The following LRRC38 variants were observed in gnomAD, a reference collection of about 807,000 sequenced individuals.
LRRC38 encodes the protein leucine rich repeat containing 38.
Under a neutral mutation model 16.4 loss-of-function variants are expected in LRRC38, and 5 were observed. The observed-to-expected ratio is 0.31, with a 90% CI of 0.16 to 0.64. The LOEUF (loss-of-function observed/expected upper bound fraction) is 0.64, where lower values mean the gene tolerates loss of function less well. LRRC38 is among the 30% of genes least tolerant of loss of function. The probability of loss-of-function intolerance (pLI) is 0.80; values close to 1 mark genes in which losing one functional copy is unlikely to be tolerated. For missense variants in LRRC38, 341 were observed against 401.8 expected (o/e 0.85, Z 1.29); for synonymous variants, 191 against 190.2 (o/e 1.00, Z -0.04).
intron 1 of LRRC38, among the ~76,000 whole-genome samples, chr1:13,507,109 T>C (rs1466599698): frequency 6.6e-6 from 1 of 152,222 alleles, no homozygotes; most frequent in Admixed American, 6.5e-5. Flanking sequence ...CAGAGTAGGA[T>C]GACCCTGTGG....
chr1:13,484,189 G>A (rs971250555), intron 1 of LRRC38, among the ~76,000 whole-genome samples: 2 of 152,058 alleles, frequency 1.3e-5, no homozygotes, highest in Non-Finnish European at 2.9e-5. Context: ...TGCCTGGCTC[G>A]CTCCTTCCTT....
At chr1:13,484,601 C>T (rs564883229) in intron 1 of LRRC38, among the ~76,000 whole-genome samples, 16 of 152,302 alleles carry the variant, frequency 1.1e-4, no homozygotes, top group African/African-American at 2.9e-4. Context: ...TTCTTTCCCC[C>T]AAATTCACCA....
chr1:13,506,518 C>T (rs1052111962), intron 1 of LRRC38, among the ~76,000 whole-genome samples: 2 of 152,104 alleles, frequency 1.3e-5, no homozygotes, highest in Non-Finnish European at 2.9e-5. Context: ...AGTGCAGTGG[C>T]ATGATCTCGG....
intron 1 of LRRC38, among the ~76,000 whole-genome samples, chr1:13,481,175 G>A (rs1289617474): frequency 1.3e-5 from 2 of 151,996 alleles, no homozygotes; most frequent in East Asian, 1.9e-4. Context: ...GCAGTGGCGC[G>A]ATCTCGACTC....
chr1:13,477,966 C>G (rs538577283), intron 1 of LRRC38, among the ~76,000 whole-genome samples: 32 of 152,268 alleles, frequency 2.1e-4, no homozygotes, highest in Non-Finnish European at 3.8e-4. Context: ...GTTAAGTTCT[C>G]TGAATAAATA....
intron 1 of LRRC38, among the ~76,000 whole-genome samples, chr1:13,478,277 G>C (rs934211184): frequency 6.6e-6 from 1 of 152,236 alleles, no homozygotes; most frequent in African/African-American, 2.4e-5. Context: ...ACTATGTGCA[G>C]ATCTTGTTCT....
chr1:13,509,172 C>A (rs938202305), intron 1 of LRRC38, among the ~76,000 whole-genome samples: 1 of 152,104 alleles, frequency 6.6e-6, no homozygotes, highest in African/African-American at 2.4e-5. Flanking sequence ...TTCCTCCCAG[C>A]CTTGCCCTCC....
intron 1 of LRRC38, among the ~76,000 whole-genome samples, chr1:13,481,788 CCT>C (rs1198744392): frequency 0.19 from 6,366 of 34,004 alleles, 151 homozygotes; most frequent in African/African-American, 0.26. Context: ...TCCCTCTCTC[CCT>C]CTCTCTCTCT....
At chr1:13,496,566 G>T (rs528758543) in intron 1 of LRRC38, among the ~76,000 whole-genome samples, 1 of 152,146 alleles carries the variant, frequency 6.6e-6, no homozygotes, top group Non-Finnish European at 1.5e-5. Flanking sequence ...CTCAGCAAGG[G>T]GACAGTTCTG....
intron 1 of LRRC38, among the ~76,000 whole-genome samples, chr1:13,501,584 G>C (rs1381470310): frequency 3.5e-5 from 2 of 57,506 alleles, no homozygotes; most frequent in South Asian, 5.6e-4. Flanking sequence ...AATTTTTGTG[G>C]AGTTTTTTGT....
At chr1:13,504,615 C>G (rs922088461) in intron 1 of LRRC38, among the ~76,000 whole-genome samples, 3 of 151,110 alleles carry the variant, frequency 2.0e-5, no homozygotes, top group African/African-American at 7.3e-5. Context: ...CCCAGCTACT[C>G]AGGAGGCTGA....
At chr1:13,507,015 T>C (rs958445313) in intron 1 of LRRC38, among the ~76,000 whole-genome samples, 2 of 152,174 alleles carry the variant, frequency 1.3e-5, no homozygotes, top group Non-Finnish European at 2.9e-5. Context: ...TCTTATGTTG[T>C]TCAGCAAAAA....
chr1:13,512,610 G>A (rs946587833), intron 1 of LRRC38, among the ~76,000 whole-genome samples: 1 of 152,018 alleles, frequency 6.6e-6, no homozygotes, highest in South Asian at 2.1e-4. Flanking sequence ...CCATAGAGTA[G>A]GCTGCATTCC....
chr1:13,490,848 C>T (rs1639002829), intron 1 of LRRC38, among the ~76,000 whole-genome samples: 1 of 152,140 alleles, frequency 6.6e-6, no homozygotes. Flanking sequence ...TTCTAAAGCA[C>T]CCACTGTCCC....
chr1:13,511,838 T>C (rs1639277174), intron 1 of LRRC38, among the ~76,000 whole-genome samples: 1 of 152,096 alleles, frequency 6.6e-6, no homozygotes, highest in South Asian at 2.1e-4. Flanking sequence ...CTGCATTTGC[T>C]GAAGAGTGAG....
At chr1:13,481,780 C>CCTCTCTCCCTCT (rs1395480906) in intron 1 of LRRC38, among the ~76,000 whole-genome samples, 4 of 58,348 alleles carry the variant, frequency 6.9e-5, no homozygotes, top group Non-Finnish European at 1.2e-4. Context: ...TCCCTCTCTC[C>CCTCTCTCCCTCT]CTCTCTCCCT....
chr1:13,512,637 T>A (rs1304933395), intron 1 of LRRC38, among the ~76,000 whole-genome samples: 1 of 151,778 alleles, frequency 6.6e-6, no homozygotes, highest in East Asian at 1.9e-4. Context: ...CAGGGACGCA[T>A]AAGTAATCCA....
At chr1:13,494,282 C>T (rs551984715) in intron 1 of LRRC38, among the ~76,000 whole-genome samples, 4 of 152,038 alleles carry the variant, frequency 2.6e-5, no homozygotes, top group Non-Finnish European at 5.9e-5. Context: ...CATTGAGACA[C>T]ATTTGTAGCT....
intron 1 of LRRC38, among the ~76,000 whole-genome samples, chr1:13,477,809 C>T (rs1638806884): frequency 6.6e-6 from 1 of 152,192 alleles, no homozygotes; most frequent in South Asian, 2.1e-4. Flanking sequence ...GCCCAGAAAA[C>T]AGAGACCCTG....
Sources: gnomAD v4.1 joint callset for allele counts (sites outside exome capture counted in the v4.1 genomes callset) on GRCh38, gnomAD v4.1.1 for gene constraint, MANE v1.5 for transcripts, NCBI Gene and HGNC (gene_info 2026-07-23, HGNC 2026-07-21) for gene names.